The following RAB11FIP3 variants were observed in gnomAD, a reference collection of about 807,000 sequenced individuals.
RAB11FIP3 encodes RAB11 family interacting protein 3.
Under a neutral mutation model 77.8 loss-of-function variants are expected in RAB11FIP3, and 17 were observed. The observed-to-expected ratio is 0.22, with a 90% CI of 0.15 to 0.33. The LOEUF is 0.33. Among genes scored for constraint, RAB11FIP3 ranks in the 10% least tolerant of loss-of-function variants. RAB11FIP3 has a pLI of 1.00. For synonymous variants in RAB11FIP3, 437 were observed against 448.2 expected, an observed-to-expected ratio of 0.98 and a Z score of 0.31; for missense variants, 1,005 against 1,011.2, an observed-to-expected ratio of 0.99 and a Z score of 0.08.
At chr16:510,399 C>T in intron 8 of RAB11FIP3, 1 of 451,808 alleles carries the variant, frequency 2.2e-6, no homozygotes, top group Non-Finnish European at 4.0e-6. Flanking sequence ...GCGGGCAGTG[C>T]CTGTGGGTAT....
At chr16:438,448 C>T (rs1297028941) in intron 1 of RAB11FIP3, among the ~76,000 whole-genome samples, 1 of 148,534 alleles carries the variant, frequency 6.7e-6, no homozygotes, top group Non-Finnish European at 1.5e-5. Context: ...TTCTGTCACC[C>T]AGGCTGGAGT....
intron 6 of RAB11FIP3, among the ~76,000 whole-genome samples, chr16:500,988 C>G (rs1440197122): frequency 2.6e-5 from 4 of 152,122 alleles, no homozygotes; most frequent in Non-Finnish European, 5.9e-5. Context: ...TGGCCAAGAA[C>G]ATGATCTGTA....
chr16:483,518 AGTGTAGCATCACAT>A (rs2056088187), intron 4 of RAB11FIP3, among the ~76,000 whole-genome samples: 1 of 152,198 alleles, frequency 6.6e-6, no homozygotes, highest in Non-Finnish European at 1.5e-5. Context: ...GCCTGACTCT[AGTGTAGCATCACAT>A]GACAGGTGGC....
intron 5 of RAB11FIP3, among the ~76,000 whole-genome samples, chr16:493,676 G>A (rs894783230): frequency 6.6e-5 from 10 of 151,932 alleles, no homozygotes; most frequent in Non-Finnish European, 1.2e-4. Context: ...GTGCGATCTC[G>A]GCTCACTGCA....
chr16:490,973 G>A (rs1247712795), intron 5 of RAB11FIP3, among the ~76,000 whole-genome samples: 1 of 152,298 alleles, frequency 6.6e-6, no homozygotes, highest in South Asian at 2.1e-4. Context: ...GGCTCACTGC[G>A]GTCTAAAGGC....
chr16:468,404 AT>A (rs1247746841), intron 2 of RAB11FIP3, among the ~76,000 whole-genome samples: 2 of 151,652 alleles, frequency 1.3e-5, no homozygotes, highest in African/African-American at 2.4e-5. Context: ...TGATGTCATG[AT>A]TTATGTTTCG....
rs113825775 is a variant in RAB11FIP3 at position 511,493 on chromosome 16, C to G, written c.1640+693C>G. Among the ~76,000 whole-genome samples, 1,001 of 115,954 alleles carry G rather than the reference C, an allele frequency of 8.6e-3. 18 individuals are homozygous for G. Among genetic ancestry groups the G allele is most frequent in the Non-Finnish European group, 0.013 (733 of 56,676 alleles). The allele number at this position is 115,954 out of a possible 152,430, so 76.1% of individuals were successfully genotyped here. On this transcript the variant is annotated intron_variant, in intron 9 of 13. Transcript: ENST00000262305. ...TGCCGGCTAGGTAGGAGAAGTTCCCCGACGGCCCGCCAACCCCAGAACCTG... is the reference window on the plus strand; with the variant it reads ...TGCCGGCTAGGTAGGAGAAGTTCCCGGACGGCCCGCCAACCCCAGAACCTG...
intron 1 of RAB11FIP3, among the ~76,000 whole-genome samples, chr16:454,304 C>CTA (rs1333035817): frequency 6.6e-6 from 1 of 152,214 alleles, no homozygotes; most frequent in Non-Finnish European, 1.5e-5. Flanking sequence ...TCTAGCCAGG[C>CTA]ACAGTGGCTC....
At chr16:464,277 T>C (rs1328076373) in intron 2 of RAB11FIP3, among the ~76,000 whole-genome samples, 6 of 152,334 alleles carry the variant, frequency 3.9e-5, no homozygotes, top group East Asian at 1.9e-4. Flanking sequence ...TGTCTCAGTC[T>C]AACTGATAAG....
At chr16:515,800 A>G (rs1411362705) in intron 9 of RAB11FIP3, among the ~76,000 whole-genome samples, 3 of 152,208 alleles carry the variant, frequency 2.0e-5, no homozygotes, top group Non-Finnish European at 4.4e-5. Context: ...ATCTTGGTAC[A>G]TGAAGGCTCA....
chr16:507,523 A>G lies in RAB11FIP3; in HGVS notation c.1499+1896A>G, dbSNP rs922430591. Among the ~76,000 whole-genome samples, 4 of 152,226 alleles carry G rather than the reference A, an allele frequency of 2.6e-5. No homozygotes were observed. The highest frequency in any genetic ancestry group is 5.9e-5 in the Non-Finnish European group (4 of 68,036). On this transcript the variant is annotated intron_variant, in intron 8 of 13. Transcript: ENST00000262305. This position sits in a 1 kb window ranked among gnomAD's most constrained non-coding sequence, Gnocchi z 4.6. ...TGGCCCCCCAAAGTGCTGAAATCAGAGGCGTGAGCCACCATGTCCAGCCTA... is the reference window on the plus strand; with the variant it reads ...TGGCCCCCCAAAGTGCTGAAATCAGGGGCGTGAGCCACCATGTCCAGCCTA...
intron 3 of RAB11FIP3, among the ~76,000 whole-genome samples, chr16:482,196 A>G (rs9935231): frequency 0.15 from 21,335 of 140,006 alleles, 2,657 homozygotes; most frequent in African/African-American, 0.33. Context: ...GCTGGGACCT[A>G]CAGGCAGGTG....
chr16:484,204 A>G (rs950454199), intron 4 of RAB11FIP3, among the ~76,000 whole-genome samples: 2 of 152,196 alleles, frequency 1.3e-5, no homozygotes, highest in Admixed American at 1.3e-4. Context: ...TTCTCAGGCA[A>G]GAACAAAACA....
chr16:492,279 G>A (rs1056726260), intron 5 of RAB11FIP3, among the ~76,000 whole-genome samples: 1 of 151,244 alleles, frequency 6.6e-6, no homozygotes, highest in Non-Finnish European at 1.5e-5. Flanking sequence ...ATGGGGGTGG[G>A]GCCCGGCACT....
intron 2 of RAB11FIP3, among the ~76,000 whole-genome samples, chr16:469,481 A>G (rs2055772830): frequency 6.6e-6 from 1 of 151,264 alleles, no homozygotes; most frequent in African/African-American, 2.4e-5. Context: ...TGCAGCCTCC[A>G]CCTCCCAGGC....
chr16:431,009 C>A (rs2055026479), intron 1 of RAB11FIP3, among the ~76,000 whole-genome samples: 1 of 152,220 alleles, frequency 6.6e-6, no homozygotes, highest in Admixed American at 6.5e-5. Flanking sequence ...CTTTTATTTG[C>A]CCTGTATCAT....
chr16:494,259 G>A (rs1477296442), intron 5 of RAB11FIP3, among the ~76,000 whole-genome samples: 4 of 151,346 alleles, frequency 2.6e-5, no homozygotes, highest in Admixed American at 2.6e-4. Context: ...AGGTCAGTAG[G>A]TAAACTGAAC....
chr16:483,255 G>A (rs1338953036), intron 4 of RAB11FIP3, among the ~76,000 whole-genome samples: 2 of 152,164 alleles, frequency 1.3e-5, no homozygotes, highest in Non-Finnish European at 1.5e-5. Flanking sequence ...TGGAAAGTCC[G>A]CTCAGCACGC....
intron 9 of RAB11FIP3, among the ~76,000 whole-genome samples, chr16:515,575 C>T (rs1254009689): frequency 2.0e-5 from 3 of 150,898 alleles, no homozygotes; most frequent in Non-Finnish European, 4.4e-5. Context: ...CGACACGGAC[C>T]GGTGTTTGCA....
Sources: gnomAD v4.1 joint callset for allele counts (sites outside exome capture counted in the v4.1 genomes callset) on GRCh38, gnomAD v4.1.1 for gene constraint, Gnocchi (gnomAD v3.1) non-coding constraint, MANE v1.5 for transcripts, NCBI Gene and HGNC (gene_info 2026-07-23, HGNC 2026-07-21) for gene names.